Variants in TMTC2 observed in about 807,000 individuals in gnomAD.
TMTC2 encodes protein O-mannosyl-transferase TMTC2.
Under a neutral mutation model 82.4 loss-of-function variants are expected in TMTC2, and 43 were observed. That is an observed-to-expected ratio of 0.52 (90% CI 0.41 to 0.67). The LOEUF (loss-of-function observed/expected upper bound fraction) is 0.67, where lower values mean the gene tolerates loss of function less well. Among genes scored for constraint, TMTC2 ranks in the 30% least tolerant of loss-of-function variants. The probability of loss-of-function intolerance (pLI) is 0.00; values close to 1 mark genes in which losing one functional copy is unlikely to be tolerated. For missense variants in TMTC2, 919 were observed against 1,012.4 expected (o/e 0.91, Z 1.25); for synonymous variants, 408 against 381.9 (o/e 1.07, Z -0.80).
chr12:82,842,757 A>G (rs889535439), intron 1 of TMTC2, among the ~76,000 whole-genome samples: 4 of 152,168 alleles, frequency 2.6e-5, no homozygotes, highest in Non-Finnish European at 5.9e-5. Flanking sequence ...GCAGATGGCC[A>G]CATTCTTGCT....
chr12:82,997,612 T>A (rs1879726257), intron 8 of TMTC2, among the ~76,000 whole-genome samples: 1 of 150,898 alleles, frequency 6.6e-6, no homozygotes. Context: ...AAAGAAGAAT[T>A]TCAAATATGC....
chr12:82,978,463 A>G (rs7299175), intron 7 of TMTC2, among the ~76,000 whole-genome samples: 144,371 of 151,870 alleles, frequency 0.95, 68,682 homozygotes, highest in East Asian at 1. Flanking sequence ...ATTTTGGTAT[A>G]TATGTTTAAT....
chr12:83,133,113 G>T lies in TMTC2; in HGVS notation c.*724G>T, dbSNP rs1298114298. ...ATGAGGGACTGGGGAGGCCTTATAT[G>T]TGTCAGGCAGGCATTTTTTAAATTT... On this transcript the variant is annotated 3_prime_UTR_variant, in exon 12 of 12. Coordinates refer to ENST00000321196, the MANE Select transcript of TMTC2 (RefSeq NM_152588.3). 1.3e-5 allele frequency: 2 copies of T among 152,198 alleles called. No individual in the cohort carries two copies. The highest frequency in any genetic ancestry group is 4.8e-5 in the African/African-American group (2 of 41,432). The allele number at this position is 152,198 out of a possible 1,614,324, so 9.4% of individuals were successfully genotyped here.
At chr12:82,692,908 T>C (rs1872638084) in intron 1 of TMTC2, among the ~76,000 whole-genome samples, 1 of 152,236 alleles carries the variant, frequency 6.6e-6, no homozygotes, top group African/African-American at 2.4e-5. Flanking sequence ...TAATTGCTGG[T>C]GTAATTACAT....
At chr12:82,862,295 A>T (rs186245348) in intron 2 of TMTC2, among the ~76,000 whole-genome samples, 1 of 152,208 alleles carries the variant, frequency 6.6e-6, no homozygotes, top group Non-Finnish European at 1.5e-5. Context: ...TTCTTGCCCA[A>T]CGTCAGTCAT....
chr12:82,732,949 CATT>C (rs1178770336), intron 1 of TMTC2, among the ~76,000 whole-genome samples: 2 of 152,156 alleles, frequency 1.3e-5, no homozygotes, highest in Non-Finnish European at 2.9e-5. Context: ...ATGCCAGCCT[CATT>C]GTTGGATGTT....
chr12:82,782,623 CAT>C (rs1162813846), intron 1 of TMTC2, among the ~76,000 whole-genome samples: 3 of 152,178 alleles, frequency 2.0e-5, no homozygotes, highest in African/African-American at 7.2e-5. Context: ...TACAAAGGCA[CAT>C]TTTGAAACAG....
chr12:83,022,577 C>T (rs1880982925), intron 8 of TMTC2, among the ~76,000 whole-genome samples: 1 of 152,072 alleles, frequency 6.6e-6, no homozygotes, highest in South Asian at 2.1e-4. Context: ...TAGAGTGAAA[C>T]ATCACATCTC....
At chr12:82,998,204 C>A (rs1879749677) in intron 8 of TMTC2, among the ~76,000 whole-genome samples, 1 of 152,034 alleles carries the variant, frequency 6.6e-6, no homozygotes, top group Admixed American at 6.6e-5. Flanking sequence ...GAGTGTGATT[C>A]ATTGCTCTCC....
chr12:82,808,647 C>A (rs1423148091), intron 1 of TMTC2, among the ~76,000 whole-genome samples: 2 of 152,086 alleles, frequency 1.3e-5, no homozygotes, highest in African/African-American at 2.4e-5. Context: ...GTATTGGAAG[C>A]AAAATTTGTA....
chr12:82,915,691 G>A (rs148185718), intron 3 of TMTC2, among the ~76,000 whole-genome samples: 7 of 152,176 alleles, frequency 4.6e-5, no homozygotes, highest in South Asian at 2.1e-4. Flanking sequence ...TGTACAAGTC[G>A]TCTAAGAACT....
intron 2 of TMTC2, among the ~76,000 whole-genome samples, chr12:82,884,263 A>G (rs538059067): frequency 1.5e-4 from 23 of 152,184 alleles, no homozygotes; most frequent in Non-Finnish European, 3.4e-4. Flanking sequence ...ACACCATAGC[A>G]ATGGGTTTAG....
At chr12:82,742,825 T>C (rs1875489776) in intron 1 of TMTC2, among the ~76,000 whole-genome samples, 1 of 152,146 alleles carries the variant, frequency 6.6e-6, no homozygotes, top group South Asian at 2.1e-4. Context: ...CTTCCAGCTA[T>C]ATCCTGTATA....
chr12:83,038,402 T>C (rs1005322673), intron 9 of TMTC2, among the ~76,000 whole-genome samples: 2 of 152,270 alleles, frequency 1.3e-5, no homozygotes, highest in African/African-American at 2.4e-5. Flanking sequence ...CTAACACATA[T>C]TCTCAATAAT....
chr12:82,726,539 G>A (rs1238149816), intron 1 of TMTC2, among the ~76,000 whole-genome samples: 2 of 152,150 alleles, frequency 1.3e-5, no homozygotes, highest in Non-Finnish European at 2.9e-5. Context: ...TAGGGAAATT[G>A]AAGCTTGGAG....
chr12:82,957,656 C>T (rs1288882056), intron 4 of TMTC2, among the ~76,000 whole-genome samples: 4 of 151,292 alleles, frequency 2.6e-5, no homozygotes, highest in Admixed American at 6.6e-5. Context: ...AAAAGAGGGA[C>T]GATATTAGGT....
intron 1 of TMTC2, among the ~76,000 whole-genome samples, chr12:82,743,351 G>T (rs1440033280): frequency 2.6e-5 from 4 of 151,374 alleles, no homozygotes; most frequent in South Asian, 4.2e-4. Context: ...TGAGGCAGGA[G>T]AATTGCTTAA....
Position 83,020,183 on chromosome 12 carries a change from C to T in TMTC2, c.2071-10615C>T, listed in dbSNP as rs1412466669. Among the ~76,000 whole-genome samples, 3 of 152,126 alleles carry T rather than the reference C, an allele frequency of 2.0e-5. No homozygotes were observed. The East Asian group carries it at 5.8e-4, about 29-fold the overall frequency. On this transcript the variant is annotated intron_variant, in intron 8 of 11. Coordinates refer to ENST00000321196, the MANE Select transcript of TMTC2 (RefSeq NM_152588.3). The stretch of plus-strand genomic sequence containing the variant: ...GATTGTGTTTGTCATACTCTTAGCA[C>T]CGGAAGTTTTTCGTGCTTCGTTAGG...
In TMTC2 at chr12:82,995,789, A is replaced by G. The variant is rs377156570; in HGVS notation, c.2070+9743A>G. 9.9e-5 allele frequency among the ~76,000 whole-genome samples: 15 copies of G among 152,174 alleles called. No homozygotes were observed. In the East Asian group the frequency reaches 2.5e-3, roughly 25 times the overall value. ...GTTTTCTGAAAGCAGTACTATTTAA[A>G]TTGCTTTGTTTGTTTGTTTTTGAGA... On this transcript the variant is annotated intron_variant, in intron 8 of 11. Coordinates refer to ENST00000321196, the MANE Select transcript of TMTC2 (RefSeq NM_152588.3).
Sources: gnomAD v4.1 joint callset for allele counts (sites outside exome capture counted in the v4.1 genomes callset) on GRCh38, gnomAD v4.1.1 for gene constraint, MANE v1.5 for transcripts, NCBI Gene and HGNC (gene_info 2026-07-23, HGNC 2026-07-21) for gene names.